NTRK2: variants seen among roughly 807,000 people sequenced by gnomAD.
NTRK2 encodes neurotrophic receptor tyrosine kinase 2.
Under a neutral mutation model 94.5 loss-of-function variants are expected in NTRK2, and 13 were observed. The ratio of observed to expected loss-of-function variants is 0.14; its 90% CI spans 0.09 to 0.22. The LOEUF is 0.22. NTRK2 is among the 10% of genes least tolerant of loss of function. NTRK2 has a pLI of 1.00. For synonymous variants in NTRK2, 372 were observed against 407.4 expected (o/e 0.91, Z 1.05); for missense variants, 639 against 1,071.2 (o/e 0.60, Z 5.63).
intron 6 of NTRK2, among the ~76,000 whole-genome samples, chr9:84,719,926 A>G (rs1244328996): frequency 6.6e-6 from 1 of 151,156 alleles, no homozygotes; most frequent in Non-Finnish European, 1.5e-5. Flanking sequence ...AGCCTGAGGC[A>G]CAAGAATCAC....
chr9:84,868,337 C>T (rs2075689650), intron 14 of NTRK2, among the ~76,000 whole-genome samples: 1 of 152,150 alleles, frequency 6.6e-6, no homozygotes, highest in Admixed American at 6.6e-5. Flanking sequence ...CAAGATTAGG[C>T]TTTGGGGGCT....
chr9:84,789,650 G>T (rs1001928581), intron 12 of NTRK2, among the ~76,000 whole-genome samples: 2 of 152,120 alleles, frequency 1.3e-5, no homozygotes, highest in Admixed American at 6.6e-5. Context: ...AGAAGAACTG[G>T]ATTTTCCTGA....
intron 14 of NTRK2, among the ~76,000 whole-genome samples, chr9:84,888,633 A>G (rs1226481863): frequency 6.8e-6 from 1 of 146,016 alleles, no homozygotes; most frequent in East Asian, 2.0e-4. Flanking sequence ...AAAAAAAAAA[A>G]AAAAAAAAAA....
At chr9:84,776,829 G>GT (rs1286983045) in intron 12 of NTRK2, among the ~76,000 whole-genome samples, 1 of 152,178 alleles carries the variant, frequency 6.6e-6, no homozygotes, top group East Asian at 1.9e-4. Flanking sequence ...AAAATGGACA[G>GT]TAATTATGCC....
chr9:84,944,680 G>C lies in NTRK2; in HGVS notation c.1765-3782G>C, dbSNP rs1407441941. Among the ~76,000 whole-genome samples the C allele has an allele frequency of 3.9e-5, 6 of 152,346 alleles. No individual in the cohort carries two copies. The East Asian group carries it at 9.6e-4, about 24-fold the overall frequency. On this transcript the variant is annotated intron_variant, in intron 15 of 18. Coordinates refer to ENST00000277120, the MANE Select transcript of NTRK2 (RefSeq NM_006180.6). The stretch of plus-strand genomic sequence containing the variant: ...TGTGTGCAGTATGACACTTTGGGGA[G>C]GTTGGACAGTCCTCTGGGAAGAAGT...
Position 84,879,868 on chromosome 9 carries a change from G to A in NTRK2, c.1633+12437G>A, listed in dbSNP as rs367850866. Among the ~76,000 whole-genome samples, 7 of 152,122 alleles carry A rather than the reference G, an allele frequency of 4.6e-5. No homozygotes were observed. In the East Asian group the frequency reaches 5.8e-4, roughly 13 times the overall value. On this transcript the variant is annotated intron_variant, in intron 14 of 18. Coordinates refer to ENST00000277120, the MANE Select transcript of NTRK2 (RefSeq NM_006180.6). The stretch of plus-strand genomic sequence containing the variant: ...GAGGAGTGTCCACATGGTGGGTGCT[G>A]AACTTACTGATAAAGGAGGAACCTG...
intron 9 of NTRK2, among the ~76,000 whole-genome samples, chr9:84,731,118 G>A (rs911403324): frequency 1.3e-5 from 2 of 152,052 alleles, no homozygotes; most frequent in African/African-American, 4.8e-5. Context: ...GTCGCTTAGC[G>A]TATGTGCACC....
chr9:84,790,065 T>C (rs1254777753), intron 12 of NTRK2, among the ~76,000 whole-genome samples: 2 of 152,208 alleles, frequency 1.3e-5, no homozygotes, highest in African/African-American at 4.8e-5. Context: ...AGAAGGGACA[T>C]TTTTTAGTAC....
chr9:84,896,059 C>T (rs1411559279), intron 14 of NTRK2, among the ~76,000 whole-genome samples: 3 of 152,086 alleles, frequency 2.0e-5, no homozygotes, highest in African/African-American at 7.2e-5. Flanking sequence ...TGTTGTTGTT[C>T]TGTTTTAGAT....
intron 15 of NTRK2, 105 bp from the exon 16 acceptor site, chr9:84,948,357 G>C: frequency 1.7e-6 from 2 of 1,150,554 alleles, no homozygotes; most frequent in Non-Finnish European, 2.6e-6. Context: ...TTAGGAACTA[G>C]GCTGTTTTCT....
intron 14 of NTRK2, among the ~76,000 whole-genome samples, chr9:84,928,242 A>C (rs2077891719): frequency 6.6e-6 from 1 of 152,166 alleles, no homozygotes; most frequent in South Asian, 2.1e-4. Flanking sequence ...TATAAGGTGG[A>C]TGATTTTACC....
At chr9:84,965,365 C>A (rs1825431995) in intron 17 of NTRK2, among the ~76,000 whole-genome samples, 1 of 152,156 alleles carries the variant, frequency 6.6e-6, no homozygotes, top group African/African-American at 2.4e-5. Flanking sequence ...GAAAACCACA[C>A]GTGTCCTGGG....
chr9:84,905,518 C>A (rs1265172286), intron 14 of NTRK2, among the ~76,000 whole-genome samples: 2 of 152,098 alleles, frequency 1.3e-5, no homozygotes, highest in Non-Finnish European at 2.9e-5. Flanking sequence ...GGGTCACAAA[C>A]AATCAATATT....
intron 12 of NTRK2, 122 bp downstream of exon 12, chr9:84,752,207 A>G (rs2064690811): frequency 1.3e-6 from 1 of 789,158 alleles, no homozygotes; most frequent in Non-Finnish European, 2.2e-6. Flanking sequence ...AGGCTAAAAA[A>G]ATAGCAACAA....
intron 2 of NTRK2, among the ~76,000 whole-genome samples, chr9:84,696,010 AATT>A (rs1306248867): frequency 4.6e-5 from 7 of 152,024 alleles, no homozygotes; most frequent in Non-Finnish European, 8.8e-5. Flanking sequence ...TGCTGAGGGC[AATT>A]ATTATTATTA....
intron 14 of NTRK2, among the ~76,000 whole-genome samples, chr9:84,870,437 A>G (rs1182590862): frequency 2.0e-5 from 3 of 147,040 alleles, no homozygotes; most frequent in African/African-American, 7.5e-5. Flanking sequence ...CCTGGGCTCA[A>G]GTAATCCTCT....
At chr9:84,999,190 G>A (rs1476045567) in intron 17 of NTRK2, among the ~76,000 whole-genome samples, 1 of 84,492 alleles carries the variant, frequency 1.2e-5, no homozygotes, top group African/African-American at 5.6e-5. Flanking sequence ...CTCTCCCACT[G>A]AACGTACTTT....
At chr9:84,906,739 G>A (rs766415583) in intron 14 of NTRK2, among the ~76,000 whole-genome samples, 2 of 152,150 alleles carry the variant, frequency 1.3e-5, no homozygotes, top group Non-Finnish European at 2.9e-5. Flanking sequence ...TGAAGACTGA[G>A]GGGATTCTGG....
At chr9:84,847,401 T>C (rs919921721) in intron 12 of NTRK2, among the ~76,000 whole-genome samples, 1 of 152,210 alleles carries the variant, frequency 6.6e-6, no homozygotes, top group African/African-American at 2.4e-5. Flanking sequence ...CACATAAATA[T>C]ACCATCCAGG....
Sources: allele counts gnomAD v4.1 joint callset (sites outside exome capture counted in the v4.1 genomes callset), GRCh38; gene constraint gnomAD v4.1.1; transcripts MANE v1.5; gene names NCBI Gene and HGNC (gene_info 2026-07-23, HGNC 2026-07-21).